The following GRM8 variants were observed in gnomAD, a reference collection of about 807,000 sequenced individuals.
GRM8 encodes glutamate metabotropic receptor 8, also known as metabotropic glutamate receptor 8.
Under a neutral mutation model 87.2 loss-of-function variants are expected in GRM8, and 47 were observed. That is an observed-to-expected ratio of 0.54 (90% CI 0.43 to 0.69). The LOEUF (loss-of-function observed/expected upper bound fraction) is 0.69. Among genes scored for constraint, GRM8 ranks in the 30% least tolerant of loss-of-function variants. The probability of loss-of-function intolerance (pLI) is 0.00; values close to 1 mark genes in which losing one functional copy is unlikely to be tolerated. For synonymous variants in GRM8, 396 were observed against 404.5 expected (o/e 0.98, Z 0.25); for missense variants, 1,019 against 1,139.2 (o/e 0.89, Z 1.52).
At chr7:126,663,179 G>A (rs898809316) in intron 7 of GRM8, among the ~76,000 whole-genome samples, 2 of 152,140 alleles carry the variant, frequency 1.3e-5, no homozygotes, top group African/African-American at 2.4e-5. Flanking sequence ...AAGCCCTACG[G>A]CAGATGGATT....
At chr7:126,575,745 T>C (rs1029211068) in intron 8 of GRM8, among the ~76,000 whole-genome samples, 1 of 152,212 alleles carries the variant, frequency 6.6e-6, no homozygotes, top group Non-Finnish European at 1.5e-5. Flanking sequence ...ACTCTCGCAT[T>C]TGTGAGATGC....
At chr7:127,229,636 T>C (rs545902453) in intron 2 of GRM8, 1 of 152,314 alleles carries the variant, frequency 6.6e-6, no homozygotes, top group African/African-American at 2.4e-5. Context: ...AGGGTAGAAA[T>C]TACAAGTTAA....
chr7:126,828,321 G>A (rs554158242), intron 6 of GRM8, among the ~76,000 whole-genome samples: 56 of 152,124 alleles, frequency 3.7e-4, no homozygotes, highest in Admixed American at 1.1e-3. Context: ...GGTAGAATTC[G>A]GCTGTGAATC....
At chr7:127,062,248 G>A (rs1820677669) in intron 3 of GRM8, among the ~76,000 whole-genome samples, 1 of 152,182 alleles carries the variant, frequency 6.6e-6, no homozygotes, top group Admixed American at 6.5e-5. Context: ...AGCTAAGCTG[G>A]TGAAGCCAGG....
intron 6 of GRM8, among the ~76,000 whole-genome samples, chr7:126,901,651 A>G (rs1259445799): frequency 6.6e-6 from 1 of 152,182 alleles, no homozygotes; most frequent in African/African-American, 2.4e-5. Flanking sequence ...GAGGAGGGAA[A>G]GGAGGACATA....
intron 2 of GRM8, among the ~76,000 whole-genome samples, chr7:127,193,187 A>C (rs1470593822): frequency 1.3e-5 from 2 of 152,200 alleles, no homozygotes; most frequent in African/African-American, 4.8e-5. Context: ...GCATAACACA[A>C]ATTTGTTTTT....
At chr7:126,528,264 T>A (rs190475698) in intron 9 of GRM8, among the ~76,000 whole-genome samples, 1 of 152,180 alleles carries the variant, frequency 6.6e-6, no homozygotes, top group East Asian at 1.9e-4. Flanking sequence ...CAGTTGGGGG[T>A]CTGCTCAGAT....
intron 7 of GRM8, among the ~76,000 whole-genome samples, chr7:126,643,300 AAAAAAAAAAAAAAAAAAAAATATATATAT>A: frequency 3.2e-5 from 1 of 31,566 alleles, no homozygotes; most frequent in African/African-American, 1.6e-4. Context: ...CAAAAAAAAA[AAAAAAAAAAAAAAAAAAAAATATATATAT>A]ATATATATAT....
chr7:127,077,331 G>T (rs1303669340), intron 3 of GRM8, among the ~76,000 whole-genome samples: 3 of 152,152 alleles, frequency 2.0e-5, no homozygotes, highest in African/African-American at 7.2e-5. Flanking sequence ...ATCTCAACCA[G>T]AATCTCTTCC....
intron 8 of GRM8, among the ~76,000 whole-genome samples, chr7:126,586,498 C>T (rs1399996300): frequency 2.0e-5 from 3 of 152,216 alleles, no homozygotes; most frequent in Non-Finnish European, 2.9e-5. Context: ...ACCAATGGAA[C>T]AGAACAGAGC....
rs1819069342 is a variant in GRM8, at chr7:126,773,455, T to A, written c.1157-3390A>T. ...AATTCATGTAACAGCTAGACATGTG[T>A]GAATGTTTTATAGTTTCAAACTTAC... On this transcript the variant is annotated intron_variant, in intron 6 of 10. Transcript: ENST00000339582. Among the ~76,000 whole-genome samples the A allele has an allele frequency of 2.0e-5, 3 of 152,260 alleles. No homozygotes were observed. In the South Asian group the frequency reaches 6.2e-4, roughly 32 times the overall value.
rs995819749 is a variant in GRM8, at chr7:127,172,119, T to C, written c.511-65407A>G. On this transcript the variant is annotated intron_variant, in intron 2 of 10. Transcript: ENST00000339582. ...AAGTGACGAAATGAAGTACAGAATGTGAGATGTAGTATTTTTATTGGTAAG... is the reference window on the plus strand; with the variant it reads ...AAGTGACGAAATGAAGTACAGAATGCGAGATGTAGTATTTTTATTGGTAAG... Among the ~76,000 whole-genome samples the C allele has an allele frequency of 6.6e-5, 10 of 152,284 alleles. No homozygotes were observed. In the East Asian group the frequency reaches 1.9e-3, roughly 29 times the overall value.
At chr7:126,968,936 C>A (rs994381721) in intron 3 of GRM8, among the ~76,000 whole-genome samples, 1 of 152,036 alleles carries the variant, frequency 6.6e-6, no homozygotes, top group Non-Finnish European at 1.5e-5. Flanking sequence ...TATTTCAGAC[C>A]ACTGCAATTA....
intron 3 of GRM8, among the ~76,000 whole-genome samples, chr7:127,050,243 C>T (rs1819332169): frequency 6.6e-6 from 1 of 152,128 alleles, no homozygotes; most frequent in South Asian, 2.1e-4. Flanking sequence ...TGAACAGTTT[C>T]AAGTCAACAG....
At chr7:127,153,886 C>A (rs1198353601) in intron 2 of GRM8, among the ~76,000 whole-genome samples, 1 of 152,036 alleles carries the variant, frequency 6.6e-6, no homozygotes, top group Non-Finnish European at 1.5e-5. Context: ...CCAACATATA[C>A]ATAAAGAAAA....
intron 7 of GRM8, among the ~76,000 whole-genome samples, chr7:126,615,652 T>C (rs1799410242): frequency 2.6e-5 from 4 of 151,980 alleles, no homozygotes; most frequent in Admixed American, 2.6e-4. Context: ...GAGACACACA[T>C]AGGCTCAAAA....
intron 7 of GRM8, among the ~76,000 whole-genome samples, chr7:126,759,742 T>C (rs1019618783): frequency 2.0e-5 from 3 of 152,174 alleles, no homozygotes; most frequent in African/African-American, 7.2e-5. Flanking sequence ...TTTTGTAAGA[T>C]GACCCAAGCA....
In GRM8 at chr7:127,220,369, C is replaced by T. The variant is rs187123355; in HGVS notation, c.510+22326G>A. Among the ~76,000 whole-genome samples the T allele has an allele frequency of 2.0e-5, 3 of 151,790 alleles. No individual in the cohort carries two copies. In the East Asian group the frequency reaches 5.8e-4, roughly 29 times the overall value. On this transcript the variant is annotated intron_variant, in intron 2 of 10. Transcript: ENST00000339582. ...TATTACTAATAACATTACCAAATTACAAAAAAAGGATCTTTAATAAGCCTT... is the reference window on the plus strand; with the variant it reads ...TATTACTAATAACATTACCAAATTATAAAAAAAGGATCTTTAATAAGCCTT...
At chr7:127,163,012 G>A (rs1394461263) in intron 2 of GRM8, among the ~76,000 whole-genome samples, 2 of 152,166 alleles carry the variant, frequency 1.3e-5, no homozygotes, top group Non-Finnish European at 2.9e-5. Context: ...TAGATCCGGG[G>A]TCTGGGGTAC....
Sources: gnomAD v4.1 joint callset for allele counts (sites outside exome capture counted in the v4.1 genomes callset) on GRCh38, gnomAD v4.1.1 for gene constraint, MANE v1.5 for transcripts, NCBI Gene and HGNC (gene_info 2026-07-23, HGNC 2026-07-21) for gene names.